ARHGAP10: variants seen among roughly 807,000 people sequenced by gnomAD.
ARHGAP10 encodes the protein rho GTPase-activating protein 10.
A neutral mutation model predicts 108.6 loss-of-function variants in ARHGAP10; 87 were observed. That is an observed-to-expected ratio of 0.80 (90% CI 0.67 to 0.96). The LOEUF (loss-of-function observed/expected upper bound fraction) is 0.96, where lower values mean the gene tolerates loss of function less well. Ranked by LOEUF, ARHGAP10 falls within the 40% of genes least tolerant of loss-of-function variation. ARHGAP10 has a pLI of 0.00. For missense variants in ARHGAP10, 939 were observed against 954.5 expected (o/e 0.98, Z 0.21); for synonymous variants, 347 against 341.1 (o/e 1.02, Z -0.19).
At chr4:147,961,940 T>C (rs905812288) in intron 16 of ARHGAP10, among the ~76,000 whole-genome samples, 4 of 152,210 alleles carry the variant, frequency 2.6e-5, no homozygotes, top group African/African-American at 9.6e-5. Flanking sequence ...CACATCTCCC[T>C]GTACATCTTT....
chr4:147,907,661 C>T (rs1442827267), intron 11 of ARHGAP10, among the ~76,000 whole-genome samples: 15 of 152,116 alleles, frequency 9.9e-5, no homozygotes, highest in Admixed American at 9.2e-4. Flanking sequence ...GGAGGCTGAT[C>T]AGTAGCGCAT....
chr4:148,048,098 C>T (rs10005695), intron 20 of ARHGAP10, among the ~76,000 whole-genome samples: 18,076 of 152,178 alleles, frequency 0.12, 1,646 homozygotes, highest in African/African-American at 0.25. Context: ...GCTGGGATTA[C>T]AGGTGTGAAC....
intron 1 of ARHGAP10, among the ~76,000 whole-genome samples, chr4:147,742,476 C>CTTTTTTT (rs11420720): frequency 9.0e-4 from 78 of 86,496 alleles, no homozygotes; most frequent in Non-Finnish European, 1.1e-3. Context: ...TCTGTGAACA[C>CTTTTTTT]TTTTTTTTTT....
intron 1 of ARHGAP10, among the ~76,000 whole-genome samples, chr4:147,770,242 A>G (rs947100162): frequency 2.6e-5 from 4 of 152,182 alleles, no homozygotes; most frequent in Non-Finnish European, 4.4e-5. Context: ...CTTAGAAATG[A>G]TAGCCTGTGG....
In ARHGAP10 at chr4:147,866,795, A is replaced by G; in HGVS notation, c.681A>G (p.Glu227=). The G allele has an allele frequency of 7.4e-6, 12 of 1,610,894 alleles. No individual in the cohort carries two copies. The highest frequency in any genetic ancestry group is 1.7e-5 in the Admixed American group (1 of 59,986). The change falls in exon 7 of 23, where the codon GAA becomes GAG. Residue 227 remains glutamate (E), a synonymous_variant. Coordinates refer to ENST00000336498, the MANE Select transcript of ARHGAP10 (RefSeq NM_024605.4). The part of the protein sequence containing the change: ...LAKDFNHYKM[E]LQINIQNTRN... ...AAGACTTCAATCACTACAAAATGGAACTACAGATCAACATTCAGAATGTAA... is the reference window on the plus strand; with the variant it reads ...AAGACTTCAATCACTACAAAATGGAGCTACAGATCAACATTCAGAATGTAA...
intron 18 of ARHGAP10, among the ~76,000 whole-genome samples, chr4:148,022,778 A>G (rs908095273): frequency 2.6e-5 from 4 of 152,368 alleles, no homozygotes; most frequent in Non-Finnish European, 4.4e-5. Flanking sequence ...GAAGCTAGAA[A>G]GGTAATTTCA....
At chr4:148,020,329 TAC>T (rs1333174768) in intron 18 of ARHGAP10, among the ~76,000 whole-genome samples, 1 of 152,170 alleles carries the variant, frequency 6.6e-6, no homozygotes, top group Non-Finnish European at 1.5e-5. Flanking sequence ...GGGCTACATG[TAC>T]AGGATTTGCA....
At chr4:147,946,079 C>T (rs1738367150) in intron 14 of ARHGAP10, among the ~76,000 whole-genome samples, 1 of 152,128 alleles carries the variant, frequency 6.6e-6, no homozygotes, top group African/African-American at 2.4e-5. Flanking sequence ...TGTTAAAAGA[C>T]CGAAATTTTT....
intron 10 of ARHGAP10, among the ~76,000 whole-genome samples, chr4:147,898,752 A>G (rs1352579193): frequency 6.7e-6 from 1 of 150,076 alleles, no homozygotes; most frequent in African/African-American, 2.5e-5. Context: ...ACCTTCCCAC[A>G]TCTTCCTGTC....
intron 13 of ARHGAP10, among the ~76,000 whole-genome samples, chr4:147,933,747 T>A (rs1055479246): frequency 6.6e-6 from 1 of 152,168 alleles, no homozygotes; most frequent in Non-Finnish European, 1.5e-5. Context: ...TCCCAGCAGG[T>A]CTCTGCATGG....
chr4:147,785,411 A>G (rs541479128), intron 1 of ARHGAP10, among the ~76,000 whole-genome samples: 1 of 152,280 alleles, frequency 6.6e-6, no homozygotes, highest in Admixed American at 6.6e-5. Context: ...AACTTTAGGC[A>G]TAAGTGAAAG....
intron 1 of ARHGAP10, among the ~76,000 whole-genome samples, chr4:147,821,694 A>G (rs1732502829): frequency 6.6e-6 from 1 of 152,218 alleles, no homozygotes; most frequent in South Asian, 2.1e-4. Flanking sequence ...TGCTCTAAAA[A>G]TAGTCTATTA....
At chr4:147,941,077 A>T (rs184430632) in intron 14 of ARHGAP10, among the ~76,000 whole-genome samples, 1 of 152,334 alleles carries the variant, frequency 6.6e-6, no homozygotes, top group Non-Finnish European at 1.5e-5. Context: ...ATTTAATGGG[A>T]GTACAGCATC....
At chr4:147,876,468 C>T (rs556177352) in intron 8 of ARHGAP10, among the ~76,000 whole-genome samples, 1 of 152,008 alleles carries the variant, frequency 6.6e-6, no homozygotes, top group Non-Finnish European at 1.5e-5. Flanking sequence ...TGGCGGGCAC[C>T]TGTAGTCCCA....
intron 3 of ARHGAP10, among the ~76,000 whole-genome samples, chr4:147,829,246 G>T (rs1404754369): frequency 6.6e-6 from 1 of 151,956 alleles, no homozygotes; most frequent in African/African-American, 2.4e-5. Context: ...TAGAGACAGG[G>T]TTTCACCGTG....
chr4:147,732,253 T>TCGGGCAGGAGCGCG lies in ARHGAP10; in HGVS notation c.-45_-32dup. The stretch of plus-strand genomic sequence containing the variant: ...CCTGGCAGCGGCCTCGGAGCTCGGC[T>TCGGGCAGGAGCGCG]CGGGCAGGAGCGCGCGGCCGTGCGC... On this transcript the variant is annotated 5_prime_UTR_variant, in exon 1 of 23. Transcript: ENST00000336498. 1 of 1,518,390 alleles carries TCGGGCAGGAGCGCG rather than the reference T, an allele frequency of 6.6e-7. No homozygotes were observed. The highest frequency in any genetic ancestry group is 8.8e-7 in the Non-Finnish European group (1 of 1,141,328). 94.1% of individuals were successfully genotyped at this position (1,518,390 alleles called of 1,614,324 possible).
chr4:148,023,324 C>G lies in ARHGAP10; in HGVS notation c.1778C>G (p.Pro593Arg), dbSNP rs1230220881. ...CCCACCTGCCTGTCAGCATCACCCC[C>G]AAATGCGCCACCAAGGCAGTCGAAG... ...PEPTCLSASP[P>R]NAPPRQSKRQ... Residue 593 changes from proline (P) to arginine (R), a missense_variant, in exon 19 of 23, where the codon CCA becomes CGA. Physicochemically the swap from Pro to Arg is moderately radical, Grantham distance 103. Coordinates refer to ENST00000336498, the MANE Select transcript of ARHGAP10 (RefSeq NM_024605.4). The G allele has an allele frequency of 1.2e-6, 2 of 1,614,070 alleles. No homozygotes were observed. The highest frequency in any genetic ancestry group is 2.7e-5 in the African/African-American group (2 of 74,940).
intron 1 of ARHGAP10, among the ~76,000 whole-genome samples, chr4:147,817,656 G>C (rs922494440): frequency 6.6e-6 from 1 of 152,118 alleles, no homozygotes; most frequent in Non-Finnish European, 1.5e-5. Context: ...TCTCCTATTT[G>C]CCTGTGGATC....
intron 4 of ARHGAP10, among the ~76,000 whole-genome samples, chr4:147,856,175 A>G (rs6839440): frequency 0.78 from 118,161 of 152,166 alleles, 48,117 homozygotes; most frequent in Non-Finnish European, 0.89. Flanking sequence ...GGAGACACCC[A>G]TCTTCTCTGC....
Sources: allele counts gnomAD v4.1 joint callset (sites outside exome capture counted in the v4.1 genomes callset), GRCh38; gene constraint gnomAD v4.1.1; transcripts MANE v1.5; gene names NCBI Gene and HGNC (gene_info 2026-07-23, HGNC 2026-07-21).